The following CEP131 variants were observed in gnomAD, a reference collection of about 807,000 sequenced individuals.
The protein encoded by CEP131 is centrosomal protein 131, also known as centrosomal protein of 131 kDa.
A neutral mutation model predicts 136.8 loss-of-function variants in CEP131; 99 were observed. That is an observed-to-expected ratio of 0.72 (90% CI 0.62 to 0.86). The LOEUF (loss-of-function observed/expected upper bound fraction) is 0.86, where lower values mean the gene tolerates loss of function less well. Ranked by LOEUF, CEP131 falls within the 40% of genes least tolerant of loss-of-function variation. CEP131 has a pLI of 0.00. For synonymous variants in CEP131, 646 were observed against 612.7 expected (o/e 1.05, Z -0.80); for missense variants, 1,459 against 1,463.0 (o/e 1.00, Z 0.04).
In CEP131 at chr17:81,203,081, G is replaced by A. The variant is rs1252478900; in HGVS notation, c.629+413C>T. On this transcript the variant is annotated intron_variant, in intron 6 of 25. Coordinates refer to ENST00000450824, the MANE Select transcript of CEP131 (RefSeq NM_014984.4). The surrounding 1 kb of genome is among the most constrained non-coding windows in gnomAD (Gnocchi z 4.6). ...ATCCCCGCAAGACCATGTGGTGGTG[G>A]ACTCGGGGGCTCCTTTGCCCCGCTC... 2.6e-5 allele frequency among the ~76,000 whole-genome samples: 4 copies of A among 152,196 alleles called. No individual in the cohort carries two copies. Among genetic ancestry groups the A allele is most frequent in the Admixed American group, 1.3e-4 (2 of 15,282 alleles).
rs200077707 is a variant in CEP131, at chr17:81,194,842, G to T, written c.2119+28C>A. On this transcript the variant is annotated intron_variant, in intron 17 of 25. Transcript: ENST00000450824. ...TGGCCGCAGCACCCACCCCACACCT[G>T]GCCGGCTCATGGGAGGGGAGGGCCC... 1.2e-4 allele frequency: 185 copies of T among 1,589,394 alleles called. No individual in the cohort carries two copies. In the East Asian group the frequency reaches 4.1e-3, roughly 35 times the overall value.
In CEP131 at chr17:81,208,867, A is replaced by T. The variant is rs9896314; in HGVS notation, c.272+61T>A. 5.3e-6 allele frequency: 7 copies of T among 1,326,666 alleles called. No individual in the cohort carries two copies. The highest frequency in any genetic ancestry group is 3.6e-5 in the Admixed American group (2 of 55,792). The allele number at this position is 1,326,666 out of a possible 1,614,324, so 82.2% of individuals were successfully genotyped here. On this transcript the variant is annotated intron_variant, in intron 3 of 25. Transcript: ENST00000450824. The surrounding 1 kb of genome is among the most constrained non-coding windows in gnomAD (Gnocchi z 5.6). ...GAGCAGAGGCAGGGAGGAGCAGGCC[A>T]GGGTGGGGCACCTGAGGTCCCGGGA... is the stretch of plus-strand genomic sequence containing the variant.
rs146434959 is a variant in CEP131 at position 81,218,472 on chromosome 17, G to C, written c.177+1408C>G. On this transcript the variant is annotated intron_variant, in intron 2 of 25. Transcript: ENST00000450824. Reference sequence around the variant, plus strand: ...CGCAGGAGCAGGGCTGCGGACAGGAGAGGCAGCAGGCTCAGAGACGGCTCT... The same window carrying C: ...CGCAGGAGCAGGGCTGCGGACAGGACAGGCAGCAGGCTCAGAGACGGCTCT... Among the ~76,000 whole-genome samples, 778 of 152,380 alleles carry C rather than the reference G, an allele frequency of 5.1e-3. 6 individuals carry two copies. The highest frequency in any genetic ancestry group is 0.017 in the African/African-American group (710 of 41,590).
chr17:81,191,462 CCA>C, intron 21 of CEP131, 127 bp from the exon 22 acceptor site: 1 of 844,826 alleles, frequency 1.2e-6, no homozygotes, highest in Non-Finnish European at 1.9e-6. Flanking sequence ...TTCCCCCTCT[CCA>C]GACCCCTGTC....
In CEP131 at chr17:81,208,976, C is replaced by T. The variant is rs906316623; in HGVS notation, c.224G>A (p.Arg75Lys). 25 of 1,613,892 alleles carry T rather than the reference C, an allele frequency of 1.5e-5. No individual in the cohort carries two copies. Among genetic ancestry groups the T allele is most frequent in the Non-Finnish European group, 1.9e-5 (22 of 1,179,964 alleles). ...GCTGACCTGCGTGGTGCTGTTGGAT[C>T]TTCTAAGGTTGTTGATGGCCTGGGA... ...GGSQAINNLR[R>K]SNSTTQVSQP... The change falls in exon 3 of 26, where the codon AGA becomes AAA. Residue 75 changes from arginine (R) to lysine (K), a missense_variant. Around this residue, in one of 3 missense-constraint regions of CEP131, gnomAD observed 187 missense variants for 179.9 expected, o/e 1.04. Coordinates refer to ENST00000450824, the MANE Select transcript of CEP131 (RefSeq NM_014984.4). The surrounding 1 kb of genome is among the most constrained non-coding windows in gnomAD (Gnocchi z 5.6).
chr17:81,209,060 G>T, intron 2 of CEP131, 38 bp from the exon 3 acceptor site: 1 of 1,461,050 alleles, frequency 6.8e-7, no homozygotes, highest in Non-Finnish European at 9.5e-7. Context: ...ATGCAGCAAA[G>T]GCTCACTCAC....
At chr17:81,210,098 G>C (rs2725394) in intron 2 of CEP131, among the ~76,000 whole-genome samples, 35,376 of 57,422 alleles carry the variant, frequency 0.62, 11,602 homozygotes, top group Admixed American at 0.76. Context: ...GAGGATCAGA[G>C]CGCTCGGAGA....
In CEP131 at chr17:81,192,571, G is replaced by C; in HGVS notation, c.2452C>G (p.Leu818Val). The C allele has an allele frequency of 1.9e-6, 3 of 1,608,306 alleles. No individual in the cohort carries two copies. The highest frequency in any genetic ancestry group is 2.5e-6 in the Non-Finnish European group (3 of 1,179,364). Residue 818 changes from leucine to valine, a missense_variant, in exon 20 of 26, where the codon CTG becomes GTG. Coordinates refer to ENST00000450824, the MANE Select transcript of CEP131 (RefSeq NM_014984.4). ...AARQRAELEE[L>V]RQQLEESSSA... ...CTGCTCTCCTCCAGCTGCTGCCTCAGCTCTTCCAGCTCCGCCCGCTGCCTG... is the reference window on the plus strand; with the variant it reads ...CTGCTCTCCTCCAGCTGCTGCCTCACCTCTTCCAGCTCCGCCCGCTGCCTG...
In CEP131 at chr17:81,196,834, G is replaced by T. The variant is rs199716313; in HGVS notation, c.1774-8C>A. The T allele has an allele frequency of 1.4e-4, 219 of 1,597,608 alleles. 4 individuals are homozygous for T. In the African/African-American group the frequency reaches 2.7e-3, roughly 20 times the overall value. On this transcript the variant is annotated splice_polypyrimidine_tract_variant and splice_region_variant and intron_variant, in intron 14 of 25. Transcript: ENST00000450824. Reference sequence around the variant, plus strand: ...GAGGTCTCGCTGCTGCGCCTGCAGGGTGTGGGCAGAGGAGGGAAGCGCTAG... The same window carrying T: ...GAGGTCTCGCTGCTGCGCCTGCAGGTTGTGGGCAGAGGAGGGAAGCGCTAG...
At chr17:81,193,717 G>C (rs908591136) in intron 18 of CEP131, among the ~76,000 whole-genome samples, 1 of 152,228 alleles carries the variant, frequency 6.6e-6, no homozygotes, top group African/African-American at 2.4e-5. Flanking sequence ...ACCTCGGCGG[G>C]CATGAACTGC....
chr17:81,204,224 G>T (rs2061956124), intron 5 of CEP131, among the ~76,000 whole-genome samples: 1 of 152,196 alleles, frequency 6.6e-6, no homozygotes, highest in Non-Finnish European at 1.5e-5. Flanking sequence ...CAGGCTTTGA[G>T]GCAAAGGGGA....
chr17:81,192,893 G>A, intron 18 of CEP131, 50 bp from the exon 19 acceptor site: 1 of 1,566,354 alleles, frequency 6.4e-7, no homozygotes, highest in Non-Finnish European at 8.6e-7. Flanking sequence ...GGCGGTCCCA[G>A]GACCCACCCA....
chr17:81,193,685 T>C (rs1350094110), intron 18 of CEP131, among the ~76,000 whole-genome samples: 2 of 152,144 alleles, frequency 1.3e-5, no homozygotes, highest in Non-Finnish European at 2.9e-5. Flanking sequence ...AAAACACCCG[T>C]GCACCCATGC....
chr17:81,192,684 G>GGGGGGGGGGGGC, intron 19 of CEP131, 52 bp downstream of exon 19: 1 of 476,800 alleles, frequency 2.1e-6, no homozygotes. Flanking sequence ...GGGGGGGAGG[G>GGGGGGGGGGGGC]GTCAGCCAGC....
At chr17:81,190,452 G>C (rs1461327345) in intron 24 of CEP131, among the ~76,000 whole-genome samples, 187 bp downstream of exon 24, 2 of 152,210 alleles carry the variant, frequency 1.3e-5, no homozygotes, top group Non-Finnish European at 2.9e-5. Context: ...TAAGCACCAG[G>C]GAGGAAAACA....
At chr17:81,197,175 C>T in intron 13 of CEP131, 120 bp from the exon 14 acceptor site, 2 of 1,404,326 alleles carry the variant, frequency 1.4e-6, no homozygotes, top group South Asian at 3.0e-5. Context: ...ACACGGGAGC[C>T]CGTGGGAAGC....
At chr17:81,191,131 G>A (rs768420557) in intron 22 of CEP131, 47 bp from the exon 23 acceptor site, 7 of 1,605,142 alleles carry the variant, frequency 4.4e-6, no homozygotes, top group Non-Finnish European at 6.0e-6. Flanking sequence ...GTCACACACG[G>A]GTCCTTGCGC....
chr17:81,210,563 C>T (rs918420223), intron 2 of CEP131, among the ~76,000 whole-genome samples: 2 of 150,818 alleles, frequency 1.3e-5, no homozygotes, highest in African/African-American at 4.9e-5. Flanking sequence ...AGCGAGACTC[C>T]GTCAAAAAAC....
At position 81,192,399 on chromosome 17, in the gene CEP131, G is replaced by A; in HGVS notation, c.2548-7C>T. 6.2e-7 allele frequency: 1 copy of A among 1,609,908 alleles called. No homozygotes were observed. Among genetic ancestry groups the A allele is most frequent in the South Asian group, 1.1e-5 (1 of 90,580 alleles). On this transcript the variant is annotated splice_polypyrimidine_tract_variant and splice_region_variant and intron_variant, in intron 20 of 25. Coordinates refer to ENST00000450824, the MANE Select transcript of CEP131 (RefSeq NM_014984.4). ...TCAGGGTATTCAGCTCCATCTGGGGGGCGGACATAAGAGGCCAGTCAGTCC... is the reference window on the plus strand; with the variant it reads ...TCAGGGTATTCAGCTCCATCTGGGGAGCGGACATAAGAGGCCAGTCAGTCC...
Sources: allele counts gnomAD v4.1 joint callset (sites outside exome capture counted in the v4.1 genomes callset), GRCh38; gene constraint gnomAD v4.1.1; regional missense constraint gnomAD v4.1.1; non-coding constraint Gnocchi (gnomAD v3.1); transcripts MANE v1.5; gene names NCBI Gene and HGNC (gene_info 2026-07-23, HGNC 2026-07-21).